The following DENND2A variants were observed in gnomAD, a reference collection of about 807,000 sequenced individuals.
DENND2A encodes DENN domain containing 2A.
A neutral mutation model predicts 105.3 loss-of-function variants in DENND2A; 53 were observed. The observed-to-expected ratio is 0.50, with a 90% CI of 0.40 to 0.63. DENND2A has a LOEUF of 0.63. Among genes scored for constraint, DENND2A ranks in the 30% least tolerant of loss-of-function variants. The pLI, the probability that DENND2A is intolerant of heterozygous loss-of-function variation, is 0.00. For missense variants in DENND2A, 1,138 were observed against 1,279.6 expected, an observed-to-expected ratio of 0.89 and a Z score of 1.69; for synonymous variants, 522 against 508.4, an observed-to-expected ratio of 1.03 and a Z score of -0.36.
chr7:140,539,627 C>T (rs182738522), intron 14 of DENND2A, among the ~76,000 whole-genome samples: 13 of 152,320 alleles, frequency 8.5e-5, no homozygotes, highest in Admixed American at 6.5e-4. Context: ...AGCAGAATGA[C>T]GGATCCTCTG....
At chr7:140,577,029 T>C (rs1036805941) in intron 5 of DENND2A, among the ~76,000 whole-genome samples, 4 of 152,218 alleles carry the variant, frequency 2.6e-5, no homozygotes, top group African/African-American at 9.6e-5. Context: ...CACAGCTTTC[T>C]GAAGAATGTG....
intron 14 of DENND2A, among the ~76,000 whole-genome samples, chr7:140,533,700 C>T (rs529840123): frequency 1.3e-5 from 2 of 152,248 alleles, no homozygotes; most frequent in African/African-American, 4.8e-5. Context: ...ACCAGCTGGC[C>T]GCGTGGGAGG....
intron 12 of DENND2A, among the ~76,000 whole-genome samples, chr7:140,551,344 A>G (rs1228279982): frequency 2.6e-5 from 4 of 151,896 alleles, no homozygotes; most frequent in Admixed American, 6.6e-5. Flanking sequence ...GGAAAAGAAA[A>G]AAAGCCTTTG....
intron 10 of DENND2A, among the ~76,000 whole-genome samples, chr7:140,558,453 T>C (rs1056014317): frequency 2.0e-5 from 3 of 151,974 alleles, no homozygotes; most frequent in Admixed American, 2.0e-4. Flanking sequence ...CCCAGCCCTT[T>C]GGGAGGCTGA....
intron 1 of DENND2A, among the ~76,000 whole-genome samples, chr7:140,606,789 G>A (rs1434595091): frequency 6.6e-6 from 1 of 152,184 alleles, no homozygotes. Context: ...GGATACCAAG[G>A]CAGCAGCCTC....
intron 1 of DENND2A, among the ~76,000 whole-genome samples, chr7:140,637,314 T>C (rs1456710673): frequency 6.6e-6 from 1 of 152,210 alleles, no homozygotes; most frequent in Non-Finnish European, 1.5e-5. Context: ...TGAATGTCAA[T>C]TTACGACAGC....
At position 140,545,666 on chromosome 7, in the gene DENND2A, G is replaced by A. The variant is rs147227934; in HGVS notation, c.2179-900C>T. Among the ~76,000 whole-genome samples the A allele has an allele frequency of 1.7e-3, 264 of 152,310 alleles. 1 individual carries two copies. The highest frequency in any genetic ancestry group is 6.1e-3 in the African/African-American group (255 of 41,558). ...ACAGGTGTGAGCCACCGTGTACCCA[G>A]CCTGTGTGTATATCTTCTTATTCTG... On this transcript the variant is annotated intron_variant, in intron 13 of 19. Transcript: ENST00000496613.
chr7:140,570,174 C>G (rs999097306), intron 6 of DENND2A, among the ~76,000 whole-genome samples: 2 of 152,126 alleles, frequency 1.3e-5, no homozygotes, highest in South Asian at 4.1e-4. Flanking sequence ...GGATTACAGG[C>G]GCGAGCCACC....
intron 5 of DENND2A, among the ~76,000 whole-genome samples, chr7:140,581,083 T>C (rs1798522251): frequency 6.6e-6 from 1 of 151,578 alleles, no homozygotes; most frequent in South Asian, 2.1e-4. Flanking sequence ...GCCAACATGG[T>C]GAAACCCTGT....
At chr7:140,520,994 T>G (rs1054580705) in intron 18 of DENND2A, among the ~76,000 whole-genome samples, 1 of 148,134 alleles carries the variant, frequency 6.8e-6, no homozygotes, top group African/African-American at 2.5e-5. Flanking sequence ...CCTGCCTCAG[T>G]CTCCTGAGTA....
At chr7:140,633,343 T>G (rs1465799327) in intron 1 of DENND2A, among the ~76,000 whole-genome samples, 2 of 151,968 alleles carry the variant, frequency 1.3e-5, no homozygotes, top group Non-Finnish European at 1.5e-5. Flanking sequence ...GTTTGTATTT[T>G]TATAGAGATG....
chr7:140,587,119 C>A (rs757154152), intron 4 of DENND2A, among the ~76,000 whole-genome samples: 1 of 152,194 alleles, frequency 6.6e-6, no homozygotes, highest in Non-Finnish European at 1.5e-5. Flanking sequence ...GTTAGTGCCA[C>A]ACTCTGACAG....
At chr7:140,565,931 G>C (rs1319954465) in intron 9 of DENND2A, among the ~76,000 whole-genome samples, 1 of 152,150 alleles carries the variant, frequency 6.6e-6, no homozygotes. Context: ...AGACGCCATG[G>C]CAACATTAGG....
chr7:140,552,611 T>C (rs187913420), intron 12 of DENND2A, among the ~76,000 whole-genome samples: 48 of 152,234 alleles, frequency 3.2e-4, no homozygotes, highest in African/African-American at 9.9e-4. Flanking sequence ...TTGCCTAGTC[T>C]GCTCTTGAAC....
chr7:140,591,212 C>T (rs1274899880), intron 3 of DENND2A, among the ~76,000 whole-genome samples: 3 of 151,998 alleles, frequency 2.0e-5, no homozygotes, highest in Non-Finnish European at 1.5e-5. Flanking sequence ...TGGGAGGATC[C>T]CTTGAGCCAG....
intron 12 of DENND2A, among the ~76,000 whole-genome samples, chr7:140,555,205 C>G (rs1797307281): frequency 6.6e-6 from 1 of 150,854 alleles, no homozygotes; most frequent in Non-Finnish European, 1.5e-5. Context: ...ACGATCTCGG[C>G]TCACTGCAAC....
intron 9 of DENND2A, among the ~76,000 whole-genome samples, chr7:140,565,009 GGTGA>G (rs1472272422): frequency 6.6e-6 from 1 of 152,184 alleles, no homozygotes; most frequent in Non-Finnish European, 1.5e-5. Flanking sequence ...GCTAGAGGAA[GGTGA>G]GTGTCACCTT....
intron 15 of DENND2A, among the ~76,000 whole-genome samples, chr7:140,526,490 CAT>C (rs1228971059): frequency 2.0e-5 from 3 of 152,342 alleles, no homozygotes; most frequent in South Asian, 2.1e-4. Flanking sequence ...CAGCTGGAAA[CAT>C]GTGAGTTCTC....
chr7:140,637,544 C>T (rs546107537), intron 1 of DENND2A, among the ~76,000 whole-genome samples: 2 of 152,306 alleles, frequency 1.3e-5, no homozygotes, highest in East Asian at 3.9e-4. Flanking sequence ...TCCTGGGCCT[C>T]TCTGGTCTCC....
Sources: allele counts gnomAD v4.1 joint callset (sites outside exome capture counted in the v4.1 genomes callset), GRCh38; gene constraint gnomAD v4.1.1; transcripts MANE v1.5; gene names NCBI Gene and HGNC (gene_info 2026-07-23, HGNC 2026-07-21).